The following DAZL variants were observed in gnomAD, a reference collection of about 807,000 sequenced individuals.
The protein encoded by DAZL is deleted in azoospermia like.
Under a neutral mutation model 45.0 loss-of-function variants are expected in DAZL, and 4 were observed. That is an observed-to-expected ratio of 0.09 (90% CI 0.04 to 0.20). DAZL has a LOEUF of 0.20. Among genes scored for constraint, DAZL ranks in the 10% least tolerant of loss-of-function variants. The pLI is 1.00. For missense variants in DAZL, 326 were observed against 351.3 expected (o/e 0.93, Z 0.58); for synonymous variants, 122 against 112.4 (o/e 1.09, Z -0.54).
At chr3:16,595,760 A>C (rs1381086595) in intron 6 of DAZL, among the ~76,000 whole-genome samples, 1 of 152,094 alleles carries the variant, frequency 6.6e-6, no homozygotes, top group Non-Finnish European at 1.5e-5. Context: ...AAATACTTCT[A>C]GACAGTTTTG....
chr3:16,605,166 C>G (rs530931420), intron 1 of DAZL, 37 bp downstream of exon 1: 3 of 1,613,974 alleles, frequency 1.9e-6, no homozygotes, highest in East Asian at 2.2e-5. Flanking sequence ...GTGAAGACTC[C>G]GCCAGCCTTG....
At chr3:16,596,310 A>G (rs896322159) in intron 6 of DAZL, among the ~76,000 whole-genome samples, 2 of 152,146 alleles carry the variant, frequency 1.3e-5, no homozygotes, top group African/African-American at 2.4e-5. Flanking sequence ...AGTAAAACAC[A>G]TCAGAAATCT....
chr3:16,594,912 C>G (rs1033784441), intron 7 of DAZL, among the ~76,000 whole-genome samples: 2 of 152,036 alleles, frequency 1.3e-5, no homozygotes, highest in Non-Finnish European at 2.9e-5. Flanking sequence ...GAACTACTAT[C>G]ATGAAGCAGT....
Position 16,595,298 on chromosome 3 carries a change from C to A in DAZL, c.570+16G>T. ...TAAAATCTGAAAGTAAATCATTTTA[C>A]TCCCTTTTAAATTACCTGATAATTA... is the stretch of plus-strand genomic sequence containing the variant. On this transcript the variant is annotated intron_variant, in intron 7 of 10. Coordinates refer to ENST00000399444, the MANE Select transcript of DAZL (RefSeq NM_001351.4). 1 of 1,411,932 alleles carries A rather than the reference C, an allele frequency of 7.1e-7. No individual in the cohort carries two copies. The highest frequency in any genetic ancestry group is 9.8e-7 in the Non-Finnish European group (1 of 1,022,436). The allele number at this position is 1,411,932 out of a possible 1,614,324, so 87.5% of individuals were successfully genotyped here.
At chr3:16,600,557 G>A (rs957594551) in intron 1 of DAZL, among the ~76,000 whole-genome samples, 2 of 152,042 alleles carry the variant, frequency 1.3e-5, no homozygotes, top group Non-Finnish European at 2.9e-5. Flanking sequence ...ATTAAGCTGC[G>A]TATCTTGAAC....
At chr3:16,597,958 T>G (rs1694625550) in intron 3 of DAZL, 129 bp downstream of exon 3, 1 of 1,030,392 alleles carries the variant, frequency 9.7e-7, no homozygotes, top group East Asian at 2.8e-5. Context: ...GCAATAAACT[T>G]TTATCCTCTA....
chr3:16,601,829 A>G (rs1373575992), intron 1 of DAZL, among the ~76,000 whole-genome samples: 3 of 152,350 alleles, frequency 2.0e-5, no homozygotes, highest in East Asian at 1.9e-4. Context: ...ATTCCTTGTT[A>G]TATTTGGACA....
Position 16,588,532 on chromosome 3 carries a change from A to G in DAZL, c.*128T>C. On this transcript the variant is annotated 3_prime_UTR_variant, in exon 11 of 11. Transcript: ENST00000399444. ...AGTTTAAGATAAAACTAGAGAGTCT[A>G]ATAATACAACTTATACACAAAGTTT... The G allele has an allele frequency of 1.3e-6, 1 of 765,058 alleles. No homozygotes were observed. Among genetic ancestry groups the G allele is most frequent in the Non-Finnish European group, 2.4e-6 (1 of 418,440 alleles). The allele number at this position is 765,058 out of a possible 1,614,324, so 47.4% of individuals were successfully genotyped here.
chr3:16,604,480 C>T (rs1694742819), intron 1 of DAZL: 14 of 1,528,060 alleles, frequency 9.2e-6, no homozygotes, highest in Middle Eastern at 1.7e-4. Flanking sequence ...TTTTCTGTCG[C>T]CGCCACACGA....
At chr3:16,601,720 T>A (rs866248308) in intron 1 of DAZL, among the ~76,000 whole-genome samples, 1 of 152,100 alleles carries the variant, frequency 6.6e-6, no homozygotes, top group African/African-American at 2.4e-5. Context: ...TACCTTCAAG[T>A]GAGTTGGTGA....
chr3:16,591,983 A>G, intron 10 of DAZL, 67 bp downstream of exon 10: 1 of 1,533,976 alleles, frequency 6.5e-7, no homozygotes. Flanking sequence ...CATATACCAC[A>G]AGGAAAACAG....
At chr3:16,597,435 G>T in intron 4 of DAZL, 55 bp downstream of exon 4, 2 of 1,121,624 alleles carry the variant, frequency 1.8e-6, no homozygotes, top group African/African-American at 1.5e-5. Context: ...TATATCACTT[G>T]ACACTAAACA....
chr3:16,598,192 T>C lies in DAZL; in HGVS notation c.151-14A>G, dbSNP rs781273551. On this transcript the variant is annotated splice_polypyrimidine_tract_variant and intron_variant, in intron 2 of 10. Coordinates refer to ENST00000399444, the MANE Select transcript of DAZL (RefSeq NM_001351.4). ...AGTTTCATCCATCTATGGAAAAGAA[T>C]TGAACTTCAAGAGTAAAAATTCAGC... 2 of 1,572,360 alleles carry C rather than the reference T, an allele frequency of 1.3e-6. No homozygotes were observed. Among genetic ancestry groups the C allele is most frequent in the African/African-American group, 1.4e-5 (1 of 74,068 alleles).
chr3:16,595,532 T>C (rs1694586184), intron 6 of DAZL, 147 bp from the exon 7 acceptor site: 2 of 536,784 alleles, frequency 3.7e-6, no homozygotes, highest in African/African-American at 1.9e-5. Flanking sequence ...TGACTGACTT[T>C]ATGAAGAAAG....
chr3:16,600,231 C>G (rs1186225489), intron 1 of DAZL, among the ~76,000 whole-genome samples: 2 of 152,072 alleles, frequency 1.3e-5, no homozygotes, highest in Non-Finnish European at 2.9e-5. Context: ...CAACTGTTAT[C>G]TTTTTGAAAA....
chr3:16,594,723 GTACTT>G (rs978118708), intron 7 of DAZL, 140 bp from the exon 8 acceptor site: 12 of 549,518 alleles, frequency 2.2e-5, no homozygotes, highest in Admixed American at 7.4e-5. Context: ...TGAAAAAAAA[GTACTT>G]TATGTTTCTA....
intron 1 of DAZL, chr3:16,604,766 TGGCGG>T: frequency 3.0e-6 from 4 of 1,324,384 alleles, no homozygotes; most frequent in South Asian, 2.0e-5. Context: ...GAAATGAGGC[TGGCGG>T]GGCGGAGGCG....
chr3:16,604,106 T>C (rs1319724646), intron 1 of DAZL, among the ~76,000 whole-genome samples: 1 of 152,342 alleles, frequency 6.6e-6, no homozygotes, highest in Admixed American at 6.5e-5. Flanking sequence ...CAATTACACA[T>C]AATAGGTGTT....
chr3:16,591,159 G>A (rs1694511903), intron 10 of DAZL, among the ~76,000 whole-genome samples: 1 of 151,964 alleles, frequency 6.6e-6, no homozygotes, highest in Admixed American at 6.6e-5. Context: ...GAAACCTTTA[G>A]TCCTGTACCT....
Sources: allele counts gnomAD v4.1 joint callset (sites outside exome capture counted in the v4.1 genomes callset), GRCh38; gene constraint gnomAD v4.1.1; transcripts MANE v1.5; gene names NCBI Gene and HGNC (gene_info 2026-07-23, HGNC 2026-07-21).